GRID1: variants seen among roughly 807,000 people sequenced by gnomAD.
GRID1 encodes glutamate ionotropic receptor delta type subunit 1.
A neutral mutation model predicts 98.0 loss-of-function variants in GRID1; 28 were observed. The ratio of observed to expected loss-of-function variants is 0.29; its 90% CI spans 0.21 to 0.39. GRID1 has a LOEUF of 0.39. GRID1 is among the 10% of genes least tolerant of loss of function. The pLI, the probability that GRID1 is intolerant of heterozygous loss-of-function variation, is 1.00. For missense variants in GRID1, 1,111 were observed against 1,340.5 expected (o/e 0.83, Z 2.67); for synonymous variants, 553 against 538.5 (o/e 1.03, Z -0.37).
chr10:85,693,550 T>TAA lies in GRID1; in HGVS notation c.1997+29451_1997+29452dup, dbSNP rs148374714. 1.8e-3 allele frequency among the ~76,000 whole-genome samples: 273 copies of TAA among 150,418 alleles called. 1 individual carries two copies. Among genetic ancestry groups the TAA allele is most frequent in the Middle Eastern group, 0.014 (4 of 290 alleles). The stretch of plus-strand genomic sequence containing the variant: ...TTAATAATATACTACAAGGCTATAG[T>TAA]AAAAAAAAACAGCAGGGTACTGGTA... On this transcript the variant is annotated intron_variant, in intron 12 of 15. Transcript: ENST00000327946.
At chr10:85,807,470 A>T (rs923271329) in intron 8 of GRID1, among the ~76,000 whole-genome samples, 1 of 152,228 alleles carries the variant, frequency 6.6e-6, no homozygotes, top group Non-Finnish European at 1.5e-5. Context: ...AAAGATAATC[A>T]TGTGACTTAA....
chr10:86,081,175 G>A (rs1843973498), intron 4 of GRID1, among the ~76,000 whole-genome samples: 1 of 152,156 alleles, frequency 6.6e-6, no homozygotes, highest in Non-Finnish European at 1.5e-5. Flanking sequence ...CTGTCGCCCA[G>A]GCTGGCCCAG....
At chr10:85,930,688 T>C (rs2131832325) in intron 4 of GRID1, among the ~76,000 whole-genome samples, 1 of 152,324 alleles carries the variant, frequency 6.6e-6, no homozygotes, top group South Asian at 2.1e-4. Context: ...TAAGCAAAGA[T>C]TCACAGTGTG....
intron 3 of GRID1, among the ~76,000 whole-genome samples, chr10:86,166,625 T>C (rs1042912143): frequency 6.6e-6 from 1 of 152,234 alleles, no homozygotes; most frequent in Non-Finnish European, 1.5e-5. Flanking sequence ...AAGTAGGACC[T>C]GCTGCCACAA....
At chr10:86,124,939 G>A (rs1210905695) in intron 4 of GRID1, among the ~76,000 whole-genome samples, 2 of 152,206 alleles carry the variant, frequency 1.3e-5, no homozygotes, top group Non-Finnish European at 2.9e-5. Context: ...GGCTGATACA[G>A]CCAGTGACTT....
At chr10:86,097,966 C>G (rs541535244) in intron 4 of GRID1, among the ~76,000 whole-genome samples, 1 of 152,174 alleles carries the variant, frequency 6.6e-6, no homozygotes, top group African/African-American at 2.4e-5. Context: ...AAAATACAAT[C>G]GAGTGGTTAT....
intron 12 of GRID1, among the ~76,000 whole-genome samples, chr10:85,680,518 C>G (rs1841196762): frequency 6.6e-6 from 1 of 152,186 alleles, no homozygotes; most frequent in South Asian, 2.1e-4. Flanking sequence ...GCGTATACAT[C>G]ATTGGTGGGA....
At chr10:85,974,868 T>A (rs933976451) in intron 4 of GRID1, among the ~76,000 whole-genome samples, 1 of 152,218 alleles carries the variant, frequency 6.6e-6, no homozygotes, top group African/African-American at 2.4e-5. Flanking sequence ...CAAGCCATCC[T>A]CCCACCTTGG....
At chr10:86,057,806 G>A (rs1464483983) in intron 4 of GRID1, among the ~76,000 whole-genome samples, 2 of 152,056 alleles carry the variant, frequency 1.3e-5, no homozygotes, top group Non-Finnish European at 2.9e-5. Flanking sequence ...TATTCTCCTG[G>A]CCATGGAACT....
intron 3 of GRID1, among the ~76,000 whole-genome samples, chr10:86,144,660 T>C (rs1360415910): frequency 1.3e-5 from 2 of 152,150 alleles, no homozygotes; most frequent in Non-Finnish European, 2.9e-5. Flanking sequence ...CCTGCAGTCC[T>C]GCCTAATGCC....
chr10:86,219,361 T>C (rs1422094118), intron 2 of GRID1, among the ~76,000 whole-genome samples: 4 of 152,166 alleles, frequency 2.6e-5, no homozygotes, highest in Non-Finnish European at 2.9e-5. Context: ...CGCTGCCAAC[T>C]GCCCAATGGC....
At chr10:85,951,425 C>G (rs893636684) in intron 4 of GRID1, among the ~76,000 whole-genome samples, 2 of 152,132 alleles carry the variant, frequency 1.3e-5, no homozygotes, top group Non-Finnish European at 2.9e-5. Flanking sequence ...CTAGCTTTAG[C>G]TGGGCCTGGA....
At chr10:86,089,111 A>G (rs1844106164) in intron 4 of GRID1, among the ~76,000 whole-genome samples, 1 of 152,108 alleles carries the variant, frequency 6.6e-6, no homozygotes, top group Non-Finnish European at 1.5e-5. Flanking sequence ...TGAAGTCCCC[A>G]TTTGCCCAGC....
chr10:85,614,798 T>G (rs1476411179), intron 14 of GRID1, among the ~76,000 whole-genome samples: 1 of 152,190 alleles, frequency 6.6e-6, no homozygotes, highest in Non-Finnish European at 1.5e-5. Context: ...GGACAACCCA[T>G]GCTGCTTCTA....
At chr10:86,180,047 A>C (rs1317833) in intron 3 of GRID1, among the ~76,000 whole-genome samples, 3 of 152,016 alleles carry the variant, frequency 2.0e-5, no homozygotes, top group Admixed American at 2.0e-4. Flanking sequence ...CTATGGCAGA[A>C]GCCAAGTCAA....
chr10:86,300,640 T>C (rs1396507678), intron 2 of GRID1, among the ~76,000 whole-genome samples: 1 of 151,664 alleles, frequency 6.6e-6, no homozygotes, highest in Non-Finnish European at 1.5e-5. Context: ...GATCCTGGCC[T>C]GGGAATGGCA....
At chr10:85,910,856 A>G (rs1841527906) in intron 5 of GRID1, among the ~76,000 whole-genome samples, 2 of 152,196 alleles carry the variant, frequency 1.3e-5, no homozygotes, top group African/African-American at 4.8e-5. Context: ...CTGGGGAAAT[A>G]CAGAAGTCCT....
At chr10:85,783,603 C>T (rs577543981) in intron 8 of GRID1, among the ~76,000 whole-genome samples, 2 of 152,252 alleles carry the variant, frequency 1.3e-5, no homozygotes, top group African/African-American at 4.8e-5. Flanking sequence ...AATGACATAC[C>T]TTTGTAGGAG....
chr10:86,162,459 A>C (rs1022781199), intron 3 of GRID1, among the ~76,000 whole-genome samples: 1 of 152,182 alleles, frequency 6.6e-6, no homozygotes, highest in African/African-American at 2.4e-5. Flanking sequence ...AGCTAACTGC[A>C]AACTGTGTGT....
Sources: gnomAD v4.1 joint callset for allele counts (sites outside exome capture counted in the v4.1 genomes callset) on GRCh38, gnomAD v4.1.1 for gene constraint, MANE v1.5 for transcripts, NCBI Gene and HGNC (gene_info 2026-07-23, HGNC 2026-07-21) for gene names.